The following KLHL29 variants were observed in gnomAD, a reference collection of about 807,000 sequenced individuals.
KLHL29 encodes kelch-like protein 29.
Under a neutral mutation model 80.4 loss-of-function variants are expected in KLHL29, and 21 were observed. That is an observed-to-expected ratio of 0.26 (90% CI 0.19 to 0.38). The LOEUF is 0.38. Among genes scored for constraint, KLHL29 ranks in the 10% least tolerant of loss-of-function variants. KLHL29 has a pLI of 1.00. For synonymous variants in KLHL29, 511 were observed against 526.8 expected, an observed-to-expected ratio of 0.97 and a Z score of 0.41; for missense variants, 867 against 1,223.9, an observed-to-expected ratio of 0.71 and a Z score of 4.35.
intron 3 of KLHL29, among the ~76,000 whole-genome samples, chr2:23,631,251 G>C (rs543097286): frequency 6.6e-6 from 1 of 152,120 alleles, no homozygotes; most frequent in Non-Finnish European, 1.5e-5. Context: ...CAGCAGGCTC[G>C]TTTACCCTCC....
chr2:23,653,184 C>G (rs1670133912), intron 5 of KLHL29, among the ~76,000 whole-genome samples: 1 of 152,168 alleles, frequency 6.6e-6, no homozygotes, highest in African/African-American at 2.4e-5. Flanking sequence ...CTACAGTCAG[C>G]CAGGAAAACC....
intron 1 of KLHL29, among the ~76,000 whole-genome samples, chr2:23,470,322 T>C (rs1487923581): frequency 6.6e-6 from 1 of 152,040 alleles, no homozygotes; most frequent in Non-Finnish European, 1.5e-5. Flanking sequence ...GAAAGAAGTG[T>C]CCAGGGAGGA....
intron 2 of KLHL29, among the ~76,000 whole-genome samples, chr2:23,475,915 T>G (rs531393479): frequency 6.6e-6 from 1 of 152,250 alleles, no homozygotes; most frequent in Non-Finnish European, 1.5e-5. Context: ...TTTGTTGTTG[T>G]CCAGCCCAGG....
At chr2:23,694,409 A>C (rs771616839) in intron 8 of KLHL29, among the ~76,000 whole-genome samples, 3 of 151,962 alleles carry the variant, frequency 2.0e-5, no homozygotes, top group Non-Finnish European at 4.4e-5. Flanking sequence ...GCACCTCCTA[A>C]GTGGTTTCCT....
chr2:23,478,774 T>C (rs1401104762), intron 2 of KLHL29, among the ~76,000 whole-genome samples: 1 of 152,096 alleles, frequency 6.6e-6, no homozygotes, highest in African/African-American at 2.4e-5. Flanking sequence ...GTACTGTCTG[T>C]CCAGGCCGTT....
At chr2:23,404,682 T>C (rs1666682041) in intron 1 of KLHL29, among the ~76,000 whole-genome samples, 1 of 152,194 alleles carries the variant, frequency 6.6e-6, no homozygotes, top group Non-Finnish European at 1.5e-5. Context: ...TGCTTGCAAT[T>C]GAGTTGTATG....
Position 23,639,242 on chromosome 2 carries a change from A to G in KLHL29, c.389A>G (p.Glu130Gly). 6.5e-7 allele frequency: 1 copy of G among 1,548,966 alleles called. No homozygotes were observed. Among genetic ancestry groups the G allele is most frequent in the Non-Finnish European group, 8.7e-7 (1 of 1,145,796 alleles). ...INQSTPWDTD[E>G]PPSKQMRESD... Reference sequence around the variant, plus strand: ...CAGTCCACACCCTGGGACACTGATGAGCCACCCTCCAAACAGATGAGAGAG... The same window carrying G: ...CAGTCCACACCCTGGGACACTGATGGGCCACCCTCCAAACAGATGAGAGAG... Residue 130 changes from glutamate (E) to glycine (G), a missense_variant, in exon 4 of 14, where the codon GAG (glutamate) becomes GGG (glycine). Around this residue, in one of 2 missense-constraint regions of KLHL29, gnomAD observed 424 missense variants for 456.9 expected, o/e 0.93. Transcript: ENST00000486442.
At chr2:23,559,253 G>C (rs902341447) in intron 2 of KLHL29, among the ~76,000 whole-genome samples, 2 of 152,216 alleles carry the variant, frequency 1.3e-5, no homozygotes, top group African/African-American at 4.8e-5. Context: ...GGATGAATGA[G>C]AGGGGATGCT....
intron 5 of KLHL29, chr2:23,644,194 T>G (rs1044154398): frequency 1.3e-5 from 2 of 152,310 alleles, no homozygotes; most frequent in South Asian, 2.1e-4. Flanking sequence ...TGGTAAACTC[T>G]TGCTTTAAGA....
intron 3 of KLHL29, among the ~76,000 whole-genome samples, chr2:23,584,990 C>T (rs925425540): frequency 1.1e-4 from 17 of 152,188 alleles, no homozygotes; most frequent in Non-Finnish European, 4.4e-5. Context: ...CCCACCTTGG[C>T]CTCCCAAAGT....
At chr2:23,395,494 C>G (rs1187040673) in intron 1 of KLHL29, among the ~76,000 whole-genome samples, 1 of 152,166 alleles carries the variant, frequency 6.6e-6, no homozygotes, top group African/African-American at 2.4e-5. Context: ...CGCCTGTGAT[C>G]CCAGCACTTT....
chr2:23,703,742 A>G lies in KLHL29; in HGVS notation c.2323A>G (p.Thr775Ala). The G allele has an allele frequency of 6.5e-7, 1 of 1,537,090 alleles. No individual in the cohort carries two copies. Among genetic ancestry groups the G allele is most frequent in the Non-Finnish European group, 8.7e-7 (1 of 1,146,810 alleles). Residue 775 changes from threonine to alanine, a missense_variant, in exon 13 of 14, where the codon ACG (threonine) becomes GCG (alanine). Transcript: ENST00000486442. ...MIDNKYAPAV[T>A]LNGFVFILGG... ...AGACAACAAGTATGCCCCCGCTGTC[A>G]CGCTCAATGGCTTCGTTTTCATCCT...
At chr2:23,670,979 TCC>T (rs1558432952) in intron 5 of KLHL29, among the ~76,000 whole-genome samples, 97 of 6,036 alleles carry the variant, frequency 0.016, 16 homozygotes, top group East Asian at 0.053. Context: ...TCTCTCTCTC[TCC>T]CTCCCTCCCT....
chr2:23,423,687 C>T (rs2103403837), intron 1 of KLHL29, among the ~76,000 whole-genome samples: 1 of 152,152 alleles, frequency 6.6e-6, no homozygotes, highest in South Asian at 2.1e-4. Flanking sequence ...TTCCATTCTC[C>T]ATGGGCTCAG....
intron 3 of KLHL29, among the ~76,000 whole-genome samples, chr2:23,636,463 T>C (rs1345018358): frequency 6.6e-6 from 1 of 151,202 alleles, no homozygotes; most frequent in African/African-American, 2.4e-5. Context: ...AGAAATTGCT[T>C]GTAGTATTCA....
At chr2:23,560,709 T>C (rs548390500) in intron 2 of KLHL29, among the ~76,000 whole-genome samples, 2 of 152,342 alleles carry the variant, frequency 1.3e-5, no homozygotes, top group South Asian at 4.1e-4. Context: ...TCACCTGGGC[T>C]GCAGGGTGGG....
At chr2:23,625,332 AAGCTATTTCTGAACACG>A (rs1669281901) in intron 3 of KLHL29, among the ~76,000 whole-genome samples, 1 of 152,272 alleles carries the variant, frequency 6.6e-6, no homozygotes, top group Non-Finnish European at 1.5e-5. Flanking sequence ...TAAGTGGAAC[AAGCTATTTCTGAACACG>A]AGAGTGGGCA....
At chr2:23,495,588 T>C (rs1665238974) in intron 2 of KLHL29, among the ~76,000 whole-genome samples, 1 of 152,152 alleles carries the variant, frequency 6.6e-6, no homozygotes, top group African/African-American at 2.4e-5. Flanking sequence ...CCAGCCCCCA[T>C]TGGTCCCAGC....
At chr2:23,395,512 C>G (rs142511829) in intron 1 of KLHL29, among the ~76,000 whole-genome samples, 1 of 151,966 alleles carries the variant, frequency 6.6e-6, no homozygotes, top group South Asian at 2.1e-4. Context: ...TTTGGGAGGC[C>G]GAGGTGGGCG....
Sources: gnomAD v4.1 joint callset for allele counts (sites outside exome capture counted in the v4.1 genomes callset) on GRCh38, gnomAD v4.1.1 for gene constraint, gnomAD v4.1.1 regional missense constraint, MANE v1.5 for transcripts, NCBI Gene and HGNC (gene_info 2026-07-23, HGNC 2026-07-21) for gene names.